Variants in UNC13C observed in about 807,000 individuals in gnomAD.
The protein encoded by UNC13C is protein unc-13 homolog C.
UNC13C carries 174 observed loss-of-function variants against 245.4 expected under a neutral mutation model. That is an observed-to-expected ratio of 0.71 (90% CI 0.63 to 0.80). The LOEUF is 0.80. Ranked by LOEUF, UNC13C falls within the 30% of genes least tolerant of loss-of-function variation. The pLI is 0.00. For synonymous variants in UNC13C, 992 were observed against 895.1 expected (o/e 1.11, Z -1.93); for missense variants, 2,829 against 2,602.9 (o/e 1.09, Z -1.89).
the UNC13C span, among the ~76,000 whole-genome samples, chr15:53,921,114 A>G: frequency 6.6e-6 from 1 of 152,084 alleles, no homozygotes; most frequent in Non-Finnish European, 1.5e-5. Flanking sequence ...TGCAGACAAG[A>G]AAACCATGCT....
At chr15:54,326,455 A>T (rs2140986923) in intron 14 of UNC13C, among the ~76,000 whole-genome samples, 1 of 152,082 alleles carries the variant, frequency 6.6e-6, no homozygotes. Flanking sequence ...CCTGATGCTT[A>T]TCTACTAGGA....
the UNC13C span, among the ~76,000 whole-genome samples, chr15:53,867,761 A>T: frequency 1.3e-5 from 2 of 152,308 alleles, no homozygotes; most frequent in South Asian, 4.2e-4. Flanking sequence ...CTGTAAAATA[A>T]TAACTTTTGC....
At chr15:54,216,733 T>A (rs140723482) in intron 4 of UNC13C, among the ~76,000 whole-genome samples, 204 of 152,080 alleles carry the variant, frequency 1.3e-3, no homozygotes, top group African/African-American at 4.7e-3. Context: ...TGAAAGACAT[T>A]AATATTCTAT....
At chr15:54,296,398 T>C (rs1244336978) in intron 11 of UNC13C, among the ~76,000 whole-genome samples, 1 of 147,736 alleles carries the variant, frequency 6.8e-6, no homozygotes, top group African/African-American at 2.6e-5. Context: ...TTTTTATTTT[T>C]TAGTGGAGAC....
Position 54,212,172 on chromosome 15 carries a change from C to A in UNC13C, c.3072-22858C>A, listed in dbSNP as rs991060181. On this transcript the variant is annotated intron_variant, in intron 4 of 32. Transcript: ENST00000260323. The stretch of plus-strand genomic sequence containing the variant: ...AACAAACTTGACATGTTCTCTTTAC[C>A]TCATTTCCCAAGGTGAAATAATCAC... Among the ~76,000 whole-genome samples, 6 of 152,026 alleles carry A rather than the reference C, an allele frequency of 3.9e-5. No homozygotes were observed. The East Asian group carries it at 9.7e-4, about 25-fold the overall frequency.
At chr15:54,431,217 C>T (rs1371894948) in intron 19 of UNC13C, among the ~76,000 whole-genome samples, 2 of 151,556 alleles carry the variant, frequency 1.3e-5, no homozygotes, top group East Asian at 3.9e-4. Context: ...GTGCAAATTT[C>T]CTGGAATAAT....
chr15:54,145,885 G>C (rs1189213565), intron 4 of UNC13C, among the ~76,000 whole-genome samples: 2 of 152,188 alleles, frequency 1.3e-5, no homozygotes, highest in African/African-American at 4.8e-5. Flanking sequence ...AGCACATGCA[G>C]TATAAATGTC....
intron 4 of UNC13C, among the ~76,000 whole-genome samples, chr15:54,233,379 G>A (rs974369188): frequency 2.0e-5 from 3 of 151,886 alleles, no homozygotes; most frequent in East Asian, 3.9e-4. Context: ...AAATTAAGGG[G>A]GACATTTAGT....
intron 17 of UNC13C, among the ~76,000 whole-genome samples, chr15:54,347,784 A>G (rs943730982): frequency 6.6e-6 from 1 of 152,148 alleles, no homozygotes; most frequent in Non-Finnish European, 1.5e-5. Flanking sequence ...ACACACATGC[A>G]CATATATGCT....
chr15:54,223,193 C>T lies in UNC13C; in HGVS notation c.3072-11837C>T, dbSNP rs117851099. ...CCAGACCAATGTCCTTGAGAGTTTC[C>T]CACATTTTCTTCTAGTAGTTTTATA... On this transcript the variant is annotated intron_variant, in intron 4 of 32. Transcript: ENST00000260323. 3.3e-3 allele frequency among the ~76,000 whole-genome samples: 500 copies of T among 151,962 alleles called. 21 individuals are homozygous for T. In the East Asian group the frequency reaches 0.064, roughly 19 times the overall value.
chr15:54,285,525 G>C (rs986900207), intron 10 of UNC13C, among the ~76,000 whole-genome samples: 1 of 152,182 alleles, frequency 6.6e-6, no homozygotes, highest in Admixed American at 6.5e-5. Flanking sequence ...TGCTGGGTCA[G>C]AGTTTAAGGA....
intron 1 of UNC13C, among the ~76,000 whole-genome samples, chr15:53,986,879 C>G (rs946763199): frequency 7.4e-5 from 11 of 149,148 alleles, no homozygotes; most frequent in African/African-American, 2.4e-4. Flanking sequence ...AGTGATAAAA[C>G]CAACCAATCT....
At chr15:54,213,305 GTATT>G (rs1158719294) in intron 4 of UNC13C, among the ~76,000 whole-genome samples, 1 of 151,840 alleles carries the variant, frequency 6.6e-6, no homozygotes, top group African/African-American at 2.4e-5. Context: ...TATTTATTAA[GTATT>G]TAATATGTGT....
chr15:54,211,248 G>C (rs2140750157), intron 4 of UNC13C, among the ~76,000 whole-genome samples: 1 of 152,144 alleles, frequency 6.6e-6, no homozygotes, highest in African/African-American at 2.4e-5. Flanking sequence ...TGATTTTAAA[G>C]AACTCAAATA....
chr15:54,603,248 C>G (rs1048095844), intron 30 of UNC13C, among the ~76,000 whole-genome samples: 1 of 152,188 alleles, frequency 6.6e-6, no homozygotes, highest in Non-Finnish European at 1.5e-5. Context: ...GCTGCCATCT[C>G]TCACACATCT....
intron 4 of UNC13C, among the ~76,000 whole-genome samples, chr15:54,210,462 T>A (rs887227707): frequency 1.3e-4 from 20 of 151,934 alleles, no homozygotes; most frequent in Admixed American, 2.0e-4. Flanking sequence ...TGATGAGAGA[T>A]TCAAGCATTT....
chr15:54,209,115 C>T (rs1383816383), intron 4 of UNC13C, among the ~76,000 whole-genome samples: 2 of 152,132 alleles, frequency 1.3e-5, no homozygotes, highest in African/African-American at 4.8e-5. Flanking sequence ...TCTGCTCCTC[C>T]TCCCACTCTA....
At chr15:54,049,400 G>A (rs974697435) in intron 2 of UNC13C, 179 of 510,154 alleles carry the variant, frequency 3.5e-4, no homozygotes, top group Middle Eastern at 6.6e-4. Flanking sequence ...CCTTCTTTGA[G>A]ATCAAATATA....
intron 30 of UNC13C, among the ~76,000 whole-genome samples, chr15:54,584,135 T>C (rs1898352797): frequency 6.6e-6 from 1 of 152,124 alleles, no homozygotes; most frequent in Non-Finnish European, 1.5e-5. Context: ...TGGCCAGGGC[T>C]CTCCTGGAGA....
Sources: allele counts gnomAD v4.1 joint callset (sites outside exome capture counted in the v4.1 genomes callset), GRCh38; gene constraint gnomAD v4.1.1; transcripts MANE v1.5; gene names NCBI Gene and HGNC (gene_info 2026-07-23, HGNC 2026-07-21).